The following EBF1 variants were observed in gnomAD, a reference collection of about 807,000 sequenced individuals.
EBF1 encodes EBF transcription factor 1.
A neutral mutation model predicts 68.4 loss-of-function variants in EBF1; 10 were observed. The ratio of observed to expected loss-of-function variants is 0.15; its 90% CI spans 0.09 to 0.25. The LOEUF (loss-of-function observed/expected upper bound fraction) is 0.25, where lower values mean the gene tolerates loss of function less well. Among genes scored for constraint, EBF1 ranks in the 10% least tolerant of loss-of-function variants. The pLI is 1.00. For synonymous variants in EBF1, 298 were observed against 299.8 expected (o/e 0.99, Z 0.06); for missense variants, 509 against 794.4 (o/e 0.64, Z 4.32).
At chr5:158,809,791 A>G (rs1486418941) in intron 8 of EBF1, among the ~76,000 whole-genome samples, 1 of 152,196 alleles carries the variant, frequency 6.6e-6, no homozygotes, top group Non-Finnish European at 1.5e-5. Context: ...TAGCAACACT[A>G]TGAGAAACAT....
chr5:158,812,227 A>T (rs186054034), intron 8 of EBF1, among the ~76,000 whole-genome samples: 1 of 152,328 alleles, frequency 6.6e-6, no homozygotes, highest in East Asian at 1.9e-4. Context: ...AAGCAAATGA[A>T]CTAAAGAGGA....
chr5:158,977,073 G>T (rs1756919065), intron 6 of EBF1, among the ~76,000 whole-genome samples: 1 of 152,072 alleles, frequency 6.6e-6, no homozygotes, highest in South Asian at 2.1e-4. Context: ...GCTCTTGTTG[G>T]GAAATTTCAA....
intron 6 of EBF1, among the ~76,000 whole-genome samples, chr5:158,862,075 G>C (rs945817221): frequency 2.6e-5 from 4 of 151,912 alleles, no homozygotes; most frequent in Non-Finnish European, 5.9e-5. Context: ...AAATTTTTTT[G>C]CTATGATAAA....
intron 11 of EBF1, among the ~76,000 whole-genome samples, chr5:158,719,547 G>A (rs1010704347): frequency 3.9e-5 from 6 of 152,092 alleles, no homozygotes; most frequent in Non-Finnish European, 7.4e-5. Flanking sequence ...GAAATCTATA[G>A]CTAATAAGCT....
intron 6 of EBF1, among the ~76,000 whole-genome samples, chr5:159,018,656 T>C (rs1766075820): frequency 6.6e-6 from 1 of 152,232 alleles, no homozygotes; most frequent in Non-Finnish European, 1.5e-5. Context: ...CACTTTATAA[T>C]GTACTGGGCC....
intron 6 of EBF1, among the ~76,000 whole-genome samples, chr5:158,910,742 G>A (rs913305834): frequency 1.3e-5 from 2 of 152,124 alleles, no homozygotes; most frequent in African/African-American, 4.8e-5. Flanking sequence ...TGTGAGCCCT[G>A]TCTTCTCCAG....
At chr5:158,877,280 T>G (rs1250503755) in intron 6 of EBF1, among the ~76,000 whole-genome samples, 1 of 152,190 alleles carries the variant, frequency 6.6e-6, no homozygotes, top group East Asian at 1.9e-4. Context: ...ACTTACTAGG[T>G]GCATGCCCCT....
intron 6 of EBF1, among the ~76,000 whole-genome samples, chr5:158,985,336 A>G (rs1337974606): frequency 6.6e-6 from 1 of 152,210 alleles, no homozygotes. Flanking sequence ...TGAAAAAGTT[A>G]GATCAGTGTT....
intron 6 of EBF1, among the ~76,000 whole-genome samples, chr5:158,980,656 G>T (rs1417250799): frequency 6.6e-6 from 1 of 152,218 alleles, no homozygotes; most frequent in Non-Finnish European, 1.5e-5. Flanking sequence ...AACAAAGGAA[G>T]AATGGAGAGA....
intron 8 of EBF1, among the ~76,000 whole-genome samples, chr5:158,802,812 G>C (rs890061088): frequency 1.3e-5 from 2 of 152,080 alleles, no homozygotes; most frequent in African/African-American, 4.8e-5. Context: ...CTTGTGTTTT[G>C]TTGCTTTACT....
chr5:158,876,305 A>C (rs550003117), intron 6 of EBF1, among the ~76,000 whole-genome samples: 109 of 152,288 alleles, frequency 7.2e-4, no homozygotes, highest in African/African-American at 2.5e-3. Flanking sequence ...TCTCCATTTA[A>C]GGATACGAAA....
intron 6 of EBF1, among the ~76,000 whole-genome samples, chr5:159,066,452 C>A (rs988170047): frequency 3.9e-5 from 6 of 152,182 alleles, no homozygotes; most frequent in Admixed American, 3.9e-4. Context: ...TCTGTTCCCA[C>A]CGAAAGTGGA....
At chr5:158,938,533 C>G (rs893376611) in intron 6 of EBF1, among the ~76,000 whole-genome samples, 3 of 152,194 alleles carry the variant, frequency 2.0e-5, no homozygotes, top group Non-Finnish European at 2.9e-5. Context: ...GGCTGATAAA[C>G]AAAGGAAATG....
At chr5:158,989,640 G>T (rs908597119) in intron 6 of EBF1, among the ~76,000 whole-genome samples, 3 of 152,164 alleles carry the variant, frequency 2.0e-5, no homozygotes, top group African/African-American at 7.2e-5. Context: ...GAGCAGAGTG[G>T]CCATGAGGAG....
chr5:158,721,264 C>T (rs1475771309), intron 11 of EBF1, among the ~76,000 whole-genome samples: 2 of 152,068 alleles, frequency 1.3e-5, no homozygotes, highest in Non-Finnish European at 2.9e-5. Flanking sequence ...GAAAGCCTTG[C>T]CTTTGTTAAA....
chr5:158,825,018 A>G (rs928350943), intron 7 of EBF1, among the ~76,000 whole-genome samples: 1 of 152,240 alleles, frequency 6.6e-6, no homozygotes, highest in Non-Finnish European at 1.5e-5. Flanking sequence ...TATTCTCCTT[A>G]GCCACTGTGA....
chr5:158,700,682 CTT>C (rs1225052146), intron 15 of EBF1, among the ~76,000 whole-genome samples: 1 of 142,980 alleles, frequency 7.0e-6, no homozygotes, highest in African/African-American at 2.6e-5. Context: ...TTGCCAAACA[CTT>C]TTTCCGTTAA....
At chr5:158,807,642 G>A (rs968703341) in intron 8 of EBF1, among the ~76,000 whole-genome samples, 4 of 152,064 alleles carry the variant, frequency 2.6e-5, no homozygotes, top group Admixed American at 1.3e-4. Flanking sequence ...ATTAATTTCT[G>A]CAATCATTGA....
chr5:158,996,141 A>G (rs1049402733), intron 6 of EBF1, among the ~76,000 whole-genome samples: 8 of 152,166 alleles, frequency 5.3e-5, no homozygotes, highest in African/African-American at 1.9e-4. Context: ...TCTGGAATTC[A>G]CTCTTTCCAA....
Sources: allele counts gnomAD v4.1 joint callset (sites outside exome capture counted in the v4.1 genomes callset), GRCh38; gene constraint gnomAD v4.1.1; transcripts MANE v1.5; gene names NCBI Gene and HGNC (gene_info 2026-07-23, HGNC 2026-07-21).